TAS2R20: variants seen among roughly 807,000 people sequenced by gnomAD.
TAS2R20 encodes taste 2 receptor member 20, also known as taste receptor type 2 member 20.
For synonymous variants in TAS2R20, 136 were observed against 127.1 expected (o/e 1.07, Z -0.47); for missense variants, 364 against 352.2 (o/e 1.03, Z -0.27).
chr12:10,997,808 G>A lies in TAS2R20; in HGVS notation c.68C>T (p.Ala23Val). 6.2e-7 allele frequency: 1 copy of A among 1,613,096 alleles called. No homozygotes were observed. Among genetic ancestry groups the A allele is most frequent in the Non-Finnish European group, 8.5e-7 (1 of 1,179,670 alleles). The change falls in exon 1 of 1, where the codon GCC becomes GTC. Residue 23 changes from alanine (A) to valine (V), a missense_variant. Ala to Val is a moderately conservative substitution (Grantham distance 64, BLOSUM62 0). Transcript: ENST00000538986. ...VVVAFILGNFANGFIALINFI... is the reference protein window; with the variant it reads ...VVVAFILGNFVNGFIALINFI... ...ATTTATCAGTGCTATAAAGCCATTG[G>A]CAAAATTTCCAAGAATAAATGCAAC...
Position 10,998,215 on chromosome 12 carries a change from C to G in TAS2R20, c.-340G>C, listed in dbSNP as rs1940399913. ...GCTAGCATTCAAATAAAGACATATC[C>G]TCTTTCATTGCTTTGCAATTTTTTC... On this transcript the variant is annotated 5_prime_UTR_variant, in exon 1 of 1. Coordinates refer to ENST00000538986, the MANE Select transcript of TAS2R20 (RefSeq NM_176889.4). 6.6e-6 allele frequency among the ~76,000 whole-genome samples: 1 copy of G among 152,096 alleles called. No individual in the cohort carries two copies. Among genetic ancestry groups the G allele is most frequent in the Non-Finnish European group, 1.5e-5 (1 of 68,012 alleles).
chr12:10,996,127 C>T lies in TAS2R20; in HGVS notation c.*819G>A, dbSNP rs1190939883. On this transcript the variant is annotated 3_prime_UTR_variant, in exon 1 of 1. Transcript: ENST00000538986. ...GGTCAAGAGTTCGAGACCAGCCTGG[C>T]CAGCATGGTGAAACCCCATCTCTAC... is the stretch of plus-strand genomic sequence containing the variant. Among the ~76,000 whole-genome samples, 1 of 151,400 alleles carries T rather than the reference C, an allele frequency of 6.6e-6. No individual in the cohort carries two copies. Among genetic ancestry groups the T allele is most frequent in the African/African-American group, 2.4e-5 (1 of 41,206 alleles).
At position 10,996,155 on chromosome 12, in the gene TAS2R20, A is replaced by G. The variant is rs1231730678; in HGVS notation, c.*791T>C. Among the ~76,000 whole-genome samples the G allele has an allele frequency of 6.8e-6, 1 of 147,602 alleles. No homozygotes were observed. The highest frequency in any genetic ancestry group is 2.5e-5 in the African/African-American group (1 of 40,340). Reference sequence around the variant, plus strand: ...GCATGGTGAAACCCCATCTCTACTAAAAAAAAAAAGAAAAATACAAAAAAT... The same window carrying G: ...GCATGGTGAAACCCCATCTCTACTAGAAAAAAAAAGAAAAATACAAAAAAT... On this transcript the variant is annotated 3_prime_UTR_variant, in exon 1 of 1. Coordinates refer to ENST00000538986, the MANE Select transcript of TAS2R20 (RefSeq NM_176889.4).
rs756778815 is a variant in TAS2R20 at position 10,997,444 on chromosome 12, A to T, written c.432T>A (p.Leu144=). Residue 144 remains leucine (L), a synonymous_variant, in exon 1 of 1, where the codon CTT becomes CTA. Transcript: ENST00000538986. ...LGSLFFLVCH[L]VMKHTYINVW... ...CATTTATATACGTGTGTTTCATCAC[A>T]AGGTGACAAACCAAAAAGAACAAAG... 8 of 1,613,750 alleles carry T rather than the reference A, an allele frequency of 5.0e-6. No homozygotes were observed. In the African/African-American group the frequency reaches 6.7e-5, roughly 13 times the overall value.
Position 10,997,422 on chromosome 12 carries a change from T to G in TAS2R20, c.454A>C (p.Asn152His). The change falls in exon 1 of 1, where the codon AAT (asparagine) becomes CAT (histidine). Residue 152 changes from asparagine (N) to histidine (H), a missense_variant. Physicochemically the swap from Asn to His is moderately conservative, Grantham distance 68 (BLOSUM62 1). Coordinates refer to ENST00000538986, the MANE Select transcript of TAS2R20 (RefSeq NM_176889.4). ...CHLVMKHTYI[N>H]VWTEECEGNV... Reference sequence around the variant, plus strand: ...CCTTCACATTCTTCTGTCCACACATTTATATACGTGTGTTTCATCACAAGG... The same window carrying G: ...CCTTCACATTCTTCTGTCCACACATGTATATACGTGTGTTTCATCACAAGG... The G allele has an allele frequency of 6.2e-7, 1 of 1,614,050 alleles. No homozygotes were observed. The highest frequency in any genetic ancestry group is 1.6e-4 in the Middle Eastern group (1 of 6,062).
In TAS2R20 at chr12:10,996,094, T is replaced by A. The variant is rs562566254; in HGVS notation, c.*852A>T. ...CACTTTGGGAGGCTGAGGCAGTGGA[T>A]CACTTGAGGTCAAGAGTTCGAGACC... On this transcript the variant is annotated 3_prime_UTR_variant, in exon 1 of 1. Coordinates refer to ENST00000538986, the MANE Select transcript of TAS2R20 (RefSeq NM_176889.4). Among the ~76,000 whole-genome samples, 3 of 151,778 alleles carry A rather than the reference T, an allele frequency of 2.0e-5. No homozygotes were observed. The East Asian group carries it at 5.8e-4, about 29-fold the overall frequency.
Position 10,997,782 on chromosome 12 carries a change from A to C in TAS2R20, c.94T>G (p.Phe32Val), listed in dbSNP as rs1218418247. Residue 32 changes from phenylalanine to valine, a missense_variant, in exon 1 of 1, where the codon TTC (phenylalanine) becomes GTC (valine). Physicochemically the swap from Phe to Val is conservative, Grantham distance 50. Coordinates refer to ENST00000538986, the MANE Select transcript of TAS2R20 (RefSeq NM_176889.4). ...TTTTGTCTCTTGACCCAGGCAATGA[A>C]ATTTATCAGTGCTATAAAGCCATTG... ...FANGFIALIN[F>V]IAWVKRQKIS... The C allele has an allele frequency of 1.9e-6, 3 of 1,613,684 alleles. No homozygotes were observed. The highest frequency in any genetic ancestry group is 2.5e-6 in the Non-Finnish European group (3 of 1,179,862).
rs1403825934 is a variant in TAS2R20 at position 10,996,620 on chromosome 12, A to C, written c.*326T>G. On this transcript the variant is annotated 3_prime_UTR_variant, in exon 1 of 1. Transcript: ENST00000538986. ...CTCAAATGAAATATCATATAAAAAAATGTGTGAAATACACATGGGTTCATA... is the reference window on the plus strand; with the variant it reads ...CTCAAATGAAATATCATATAAAAAACTGTGTGAAATACACATGGGTTCATA... The C allele has an allele frequency of 1.6e-5, 3 of 183,196 alleles. No individual in the cohort carries two copies. Among genetic ancestry groups the C allele is most frequent in the Non-Finnish European group, 3.3e-5 (3 of 90,152 alleles). 11.3% of individuals were successfully genotyped at this position (183,196 alleles called of 1,614,324 possible). A position where few individuals can be genotyped will look rare whatever the true frequency, so the allele number is the denominator to read the frequency against.
In TAS2R20 at chr12:10,997,331, A is replaced by G. The variant is rs1239362855; in HGVS notation, c.545T>C (p.Leu182Pro). ...CAGAGTGAATGGTATCAAGTTTGCT[A>G]GCATGGCTACAGTCAAGTTGGAAAG... ...MHLSNLTVAM[L>P]ANLIPFTLTL... The change falls in exon 1 of 1, where the codon CTA (leucine) becomes CCA (proline). Residue 182 changes from leucine to proline, a missense_variant. By Grantham distance (98) the Leu-to-Pro change is moderately conservative. Transcript: ENST00000538986. The G allele has an allele frequency of 6.2e-7, 1 of 1,614,104 alleles. No individual in the cohort carries two copies. The highest frequency in any genetic ancestry group is 1.7e-5 in the Admixed American group (1 of 60,000).
In TAS2R20 at chr12:10,997,205, T is replaced by G. The variant is rs201071026; in HGVS notation, c.671A>C (p.His224Pro). Residue 224 changes from histidine to proline, a missense_variant, in exon 1 of 1, where the codon CAC becomes CCC. Transcript: ENST00000538986. ...GGTCACAGTTTGCAGAGCTTTTATG[T>G]GGATCTTGGTGCTGGGATCTTGAGA... ...KGSQDPSTKI[H>P]IKALQTVTSF... 1.9e-6 allele frequency: 3 copies of G among 1,614,148 alleles called. No individual in the cohort carries two copies. Among genetic ancestry groups the G allele is most frequent in the Admixed American group, 3.3e-5 (2 of 60,008 alleles).
Position 10,997,649 on chromosome 12 carries a change from G to A in TAS2R20, c.227C>T (p.Ser76Phe). ...WYSTVLNPTS[S>F]NLKVIIFISN... ...AATAAAAATTATTACTTTTAAATTA[G>A]ATGAAGTTGGATTCAACACAGTTGA... Residue 76 changes from serine (S) to phenylalanine (F), a missense_variant, in exon 1 of 1, where the codon TCT (serine) becomes TTT (phenylalanine). By Grantham distance (155) the Ser-to-Phe change is radical. Transcript: ENST00000538986. 3 of 1,613,576 alleles carry A rather than the reference G, an allele frequency of 1.9e-6. No individual in the cohort carries two copies. Among genetic ancestry groups the A allele is most frequent in the Non-Finnish European group, 2.5e-6 (3 of 1,179,806 alleles).
At position 10,996,273 on chromosome 12, in the gene TAS2R20, G is replaced by A. The variant is rs1021791936; in HGVS notation, c.*673C>T. ...GAACCCCAGAGGTGAACGTTGTGGT[G>A]AGCCAAGATTGTGCTACTGCATTCC... is the stretch of plus-strand genomic sequence containing the variant. On this transcript the variant is annotated 3_prime_UTR_variant, in exon 1 of 1. Coordinates refer to ENST00000538986, the MANE Select transcript of TAS2R20 (RefSeq NM_176889.4). Among the ~76,000 whole-genome samples, 15 of 151,722 alleles carry A rather than the reference G, an allele frequency of 9.9e-5. No homozygotes were observed. The highest frequency in any genetic ancestry group is 2.1e-4 in the Non-Finnish European group (14 of 67,982).
rs780829310 is a variant in TAS2R20 at position 10,997,969 on chromosome 12, T to A, written c.-94A>T. On this transcript the variant is annotated 5_prime_UTR_variant, in exon 1 of 1. Coordinates refer to ENST00000538986, the MANE Select transcript of TAS2R20 (RefSeq NM_176889.4). ...GACTTTAAGTTAAATATGCACTTGA[T>A]TCCTGAATGTCCAATAACATTCTTT... 2 of 746,712 alleles carry A rather than the reference T, an allele frequency of 2.7e-6. No homozygotes were observed. Among genetic ancestry groups the A allele is most frequent in the Non-Finnish European group, 4.3e-6 (2 of 469,542 alleles). The allele number at this position is 746,712 out of a possible 1,614,324, so 46.3% of individuals were successfully genotyped here.
chr12:10,997,536 A>G lies in TAS2R20; in HGVS notation c.340T>C (p.Ser114Pro), dbSNP rs1268589909. 1.2e-6 allele frequency: 2 copies of G among 1,614,072 alleles called. No homozygotes were observed. Residue 114 changes from serine (S) to proline (P), a missense_variant, in exon 1 of 1, where the codon TCC becomes CCC. Ser to Pro is a moderately conservative substitution (Grantham distance 74, BLOSUM62 -1). Coordinates refer to ENST00000538986, the MANE Select transcript of TAS2R20 (RefSeq NM_176889.4). ...TTTAAGTGATGAAAAATAAGTCTGG[A>G]GAAATTGACGATCTTGAGCAAATAA... ...IFYLLKIVNF[S>P]RLIFHHLKRK...
At chr12:10,997,502 GCCTT>G in the TAS2R20 span, 2 of 1,613,918 alleles carry the variant, frequency 1.2e-6, no homozygotes, top group East Asian at 4.5e-5. Flanking sequence ...TACACTCTTA[GCCTT>G]CCTTTTTAAG....
At position 10,996,738 on chromosome 12, in the gene TAS2R20, A is replaced by G. The variant is rs1011507098; in HGVS notation, c.*208T>C. On this transcript the variant is annotated 3_prime_UTR_variant, in exon 1 of 1. Coordinates refer to ENST00000538986, the MANE Select transcript of TAS2R20 (RefSeq NM_176889.4). ...ATGTTATGGTAAATATTAAATTTTC[A>G]TATACATTCAGACATACACACACAC... 1.7e-5 allele frequency: 6 copies of G among 361,962 alleles called. No homozygotes were observed. Among genetic ancestry groups the G allele is most frequent in the African/African-American group, 6.3e-5 (3 of 47,754 alleles). The allele number at this position is 361,962 out of a possible 1,614,324, so 22.4% of individuals were successfully genotyped here. A position where few individuals can be genotyped will look rare whatever the true frequency, so the allele number is the denominator to read the frequency against.
rs1940332591 is a variant in TAS2R20, at chr12:10,997,441, C to T, written c.435G>A (p.Val145=). The T allele has an allele frequency of 6.2e-7, 1 of 1,613,708 alleles. No individual in the cohort carries two copies. Among genetic ancestry groups the T allele is most frequent in the African/African-American group, 1.3e-5 (1 of 74,928 alleles). The change falls in exon 1 of 1, where the codon GTG becomes GTA. Residue 145 remains valine (V), a synonymous_variant. Transcript: ENST00000538986. ...GSLFFLVCHL[V]MKHTYINVWT... ...ACACATTTATATACGTGTGTTTCATCACAAGGTGACAAACCAAAAAGAACA... is the reference window on the plus strand; with the variant it reads ...ACACATTTATATACGTGTGTTTCATTACAAGGTGACAAACCAAAAAGAACA...
rs1318082527 is a variant in TAS2R20, at chr12:10,996,031, A to G, written c.*915T>C. On this transcript the variant is annotated 3_prime_UTR_variant, in exon 1 of 1. Coordinates refer to ENST00000538986, the MANE Select transcript of TAS2R20 (RefSeq NM_176889.4). ...TAATTGTATTTGCTTTATATTAAAC[A>G]TAAAATAAGAATTCATCATGAATGT... Among the ~76,000 whole-genome samples the G allele has an allele frequency of 1.3e-5, 2 of 152,070 alleles. No homozygotes were observed. The highest frequency in any genetic ancestry group is 2.4e-5 in the African/African-American group (1 of 41,424).
Position 10,997,789 on chromosome 12 carries a change from C to G in TAS2R20, c.87G>C (p.Leu29=). 2 of 1,613,760 alleles carry G rather than the reference C, an allele frequency of 1.2e-6. No homozygotes were observed. Among genetic ancestry groups the G allele is most frequent in the Non-Finnish European group, 1.7e-6 (2 of 1,179,862 alleles). ...LGNFANGFIA[L]INFIAWVKRQ... ...TCTTGACCCAGGCAATGAAATTTATCAGTGCTATAAAGCCATTGGCAAAAT... is the reference window on the plus strand; with the variant it reads ...TCTTGACCCAGGCAATGAAATTTATGAGTGCTATAAAGCCATTGGCAAAAT... Residue 29 remains leucine (L), a synonymous_variant, in exon 1 of 1, where the codon CTG becomes CTC. Transcript: ENST00000538986.
Sources: allele counts gnomAD v4.1 joint callset (sites outside exome capture counted in the v4.1 genomes callset), GRCh38; gene constraint gnomAD v4.1.1; transcripts MANE v1.5; gene names NCBI Gene and HGNC (gene_info 2026-07-23, HGNC 2026-07-21).